Variants in ARB2A observed in about 807,000 individuals in gnomAD.
ARB2A encodes the protein ARB2 cotranscriptional regulator A.
At chr5:94,090,663 G>C in the ARB2A span, among the ~76,000 whole-genome samples, 3 of 152,122 alleles carry the variant, frequency 2.0e-5, no homozygotes, top group Non-Finnish European at 4.4e-5. Context: ...CTGTGGGTCT[G>C]TCATAAATAA....
chr5:93,915,484 T>G, the ARB2A span, among the ~76,000 whole-genome samples: 16 of 151,792 alleles, frequency 1.1e-4, no homozygotes, highest in Admixed American at 9.2e-4. Flanking sequence ...ATAATTCATC[T>G]ATTCATGATC....
chr5:93,972,289 A>G, the ARB2A span, among the ~76,000 whole-genome samples: 13 of 152,172 alleles, frequency 8.5e-5, 1 homozygote, highest in Non-Finnish European at 1.9e-4. Flanking sequence ...AAAACAAGCA[A>G]CATCTGAGAA....
chr5:93,746,038 C>T, the ARB2A span, among the ~76,000 whole-genome samples: 1 of 152,104 alleles, frequency 6.6e-6, no homozygotes, highest in Non-Finnish European at 1.5e-5. Context: ...ATGATGCCTC[C>T]CACCTCACAG....
the ARB2A span, among the ~76,000 whole-genome samples, chr5:93,819,044 G>A: frequency 1.3e-5 from 2 of 151,420 alleles, no homozygotes; most frequent in Non-Finnish European, 2.9e-5. Context: ...AAATTAGCCG[G>A]GCATGGTGGC....
the ARB2A span, among the ~76,000 whole-genome samples, chr5:93,869,029 C>CT: frequency 6.6e-6 from 1 of 152,172 alleles, no homozygotes; most frequent in Non-Finnish European, 1.5e-5. Context: ...AAAACACAGA[C>CT]TTTGCAGTCA....
chr5:93,883,830 T>C, the ARB2A span, among the ~76,000 whole-genome samples: 6 of 150,944 alleles, frequency 4.0e-5, no homozygotes, highest in African/African-American at 1.5e-4. Flanking sequence ...TACTAGATTC[T>C]GTACCGTGAG....
At chr5:93,898,300 T>C in the ARB2A span, among the ~76,000 whole-genome samples, 2 of 152,180 alleles carry the variant, frequency 1.3e-5, no homozygotes, top group African/African-American at 2.4e-5. Context: ...TTGTTTTGTC[T>C]GTGTAAATTA....
At chr5:94,084,288 A>G in the ARB2A span, among the ~76,000 whole-genome samples, 1 of 151,254 alleles carries the variant, frequency 6.6e-6, no homozygotes, top group Admixed American at 6.6e-5. Context: ...AAAAAAAAAA[A>G]AAAAAGAAAA....
chr5:93,951,817 C>T, the ARB2A span, among the ~76,000 whole-genome samples: 1 of 151,860 alleles, frequency 6.6e-6, no homozygotes, highest in African/African-American at 2.4e-5. Flanking sequence ...CTCATGTACC[C>T]CATAAATATA....
At chr5:93,779,407 C>T in the ARB2A span, among the ~76,000 whole-genome samples, 8 of 151,942 alleles carry the variant, frequency 5.3e-5, no homozygotes, top group Non-Finnish European at 1.2e-4. Flanking sequence ...TCAAGGCCCC[C>T]GTTTGTCCCC....
At chr5:93,848,124 C>A in the ARB2A span, among the ~76,000 whole-genome samples, 1 of 152,158 alleles carries the variant, frequency 6.6e-6, no homozygotes, top group Non-Finnish European at 1.5e-5. Context: ...GTGGCTCATG[C>A]CTGTAATCCC....
the ARB2A span, among the ~76,000 whole-genome samples, chr5:94,088,813 A>T: frequency 2.0e-5 from 3 of 152,306 alleles, no homozygotes; most frequent in East Asian, 1.9e-4. Context: ...AAGAAATTAA[A>T]TTTTTTAAAA....
At chr5:93,759,471 T>C in the ARB2A span, among the ~76,000 whole-genome samples, 1 of 152,204 alleles carries the variant, frequency 6.6e-6, no homozygotes, top group Non-Finnish European at 1.5e-5. Context: ...CCAATATTCT[T>C]GACGAACACA....
chr5:93,880,109 T>A, the ARB2A span, among the ~76,000 whole-genome samples: 2 of 151,802 alleles, frequency 1.3e-5, no homozygotes, highest in Non-Finnish European at 3.0e-5. Flanking sequence ...CTAAATATAA[T>A]AAGCGTTCTT....
the ARB2A span, among the ~76,000 whole-genome samples, chr5:93,873,310 GGA>G: frequency 0.041 from 3,873 of 93,464 alleles, 869 homozygotes; most frequent in African/African-American, 0.15. Context: ...AAGGGGGGGG[GGA>G]AAGAAAGGAA....
chr5:93,685,338 T>A, the ARB2A span, among the ~76,000 whole-genome samples: 1 of 152,296 alleles, frequency 6.6e-6, no homozygotes, highest in South Asian at 2.1e-4. Flanking sequence ...AAAGACAACA[T>A]AAGTAATGAA....
At chr5:93,821,815 T>C in the ARB2A span, among the ~76,000 whole-genome samples, 1 of 152,082 alleles carries the variant, frequency 6.6e-6, no homozygotes, top group Non-Finnish European at 1.5e-5. Flanking sequence ...AAGGAATCCA[T>C]TGTATGAGGT....
chr5:93,820,083 T>C, the ARB2A span, among the ~76,000 whole-genome samples: 7 of 152,072 alleles, frequency 4.6e-5, no homozygotes, highest in African/African-American at 1.7e-4. Flanking sequence ...ATAAAAGTAA[T>C]AAGAAAAACA....
chr5:93,905,916 C>T, the ARB2A span, among the ~76,000 whole-genome samples: 1 of 151,460 alleles, frequency 6.6e-6, no homozygotes, highest in African/African-American at 2.4e-5. Flanking sequence ...CAGAACAGCA[C>T]TTTAAAAAAA....
Sources: allele counts gnomAD v4.1 joint callset (sites outside exome capture counted in the v4.1 genomes callset), GRCh38; gene constraint gnomAD v4.1.1; transcripts MANE v1.5; gene names NCBI Gene and HGNC (gene_info 2026-07-23, HGNC 2026-07-21).